PIP5K1A: variants seen among roughly 807,000 people sequenced by gnomAD.
The protein encoded by PIP5K1A is phosphatidylinositol 4-phosphate 5-kinase type-1 alpha.
PIP5K1A carries 46 observed loss-of-function variants against 72.9 expected under a neutral mutation model. That is an observed-to-expected ratio of 0.63 (90% CI 0.50 to 0.81). PIP5K1A has a LOEUF of 0.81. Among genes scored for constraint, PIP5K1A ranks in the 30% least tolerant of loss-of-function variants. The pLI is 0.00. For missense variants in PIP5K1A, 458 were observed against 706.1 expected, an observed-to-expected ratio of 0.65 and a Z score of 3.98; for synonymous variants, 228 against 255.1, an observed-to-expected ratio of 0.89 and a Z score of 1.01.
intron 1 of PIP5K1A, among the ~76,000 whole-genome samples, chr1:151,214,742 A>G (rs1687329985): frequency 6.6e-6 from 1 of 151,628 alleles, no homozygotes; most frequent in South Asian, 2.1e-4. Context: ...AACAAAATCT[A>G]CCTTGTGACT....
chr1:151,196,087 C>CG (rs1041398233), upstream of PIP5K1A, among the ~76,000 whole-genome samples: 3 of 151,368 alleles, frequency 2.0e-5, no homozygotes, highest in African/African-American at 7.3e-5. Context: ...TTAGTAAAGA[C>CG]GGGGTTTCAC....
intron 8 of PIP5K1A, 149 bp from the exon 9 acceptor site, chr1:151,236,409 G>A: frequency 3.4e-6 from 2 of 583,662 alleles, no homozygotes; most frequent in Admixed American, 3.0e-5. Flanking sequence ...CTGGGAGGTT[G>A]CAGCTACAGT....
intron 1 of PIP5K1A, 176 bp downstream of exon 1, chr1:151,199,257 TTTGA>T (rs1469875178): frequency 2.5e-5 from 32 of 1,286,026 alleles, no homozygotes; most frequent in Non-Finnish European, 3.1e-6. Context: ...AAAGGATAAG[TTTGA>T]TTAAGAAGTT....
chr1:151,246,821 G>C, intron 14 of PIP5K1A, 99 bp from the exon 15 acceptor site: 1 of 828,074 alleles, frequency 1.2e-6, no homozygotes, highest in Non-Finnish European at 2.0e-6. Context: ...TGATTCCAAA[G>C]TGAAAATTAG....
upstream of PIP5K1A, among the ~76,000 whole-genome samples, chr1:151,197,272 T>TG (rs986879679): frequency 2.0e-5 from 3 of 151,738 alleles, no homozygotes; most frequent in East Asian, 1.9e-4. Flanking sequence ...AACCTGTTTT[T>TG]TTTGTTTGTT....
rs1290363789 is a variant in PIP5K1A, at chr1:151,227,308, C to T, written c.157-12C>T. 1 of 1,577,824 alleles carries T rather than the reference C, an allele frequency of 6.3e-7. No homozygotes were observed. Among genetic ancestry groups the T allele is most frequent in the Non-Finnish European group, 8.7e-7 (1 of 1,147,452 alleles). ...CATGGGAATTGTATTATAATCTTGA[C>T]TCTTCTTCTAGGTGCCTTATGCCTC... On this transcript the variant is annotated splice_polypyrimidine_tract_variant and intron_variant, in intron 3 of 15. Coordinates refer to ENST00000368888, the MANE Select transcript of PIP5K1A (RefSeq NM_001135638.2).
chr1:151,201,901 G>T (rs1685267449), intron 1 of PIP5K1A, among the ~76,000 whole-genome samples: 2 of 152,012 alleles, frequency 1.3e-5, no homozygotes, highest in Non-Finnish European at 2.9e-5. Context: ...TAAATTTCAA[G>T]CTCTTGATGG....
chr1:151,224,051 A>T (rs1191321498), intron 1 of PIP5K1A, 194 bp from the exon 2 acceptor site: 11 of 603,396 alleles, frequency 1.8e-5, no homozygotes, highest in African/African-American at 1.1e-4. Flanking sequence ...TGGAATATGC[A>T]CGAGGCCTAT....
At chr1:151,240,868 A>G (rs1691580597) in intron 12 of PIP5K1A, among the ~76,000 whole-genome samples, 1 of 152,176 alleles carries the variant, frequency 6.6e-6, no homozygotes, top group Non-Finnish European at 1.5e-5. Context: ...GTAGAGTGAA[A>G]GAGTTATCTT....
chr1:151,210,786 C>T lies in PIP5K1A; in HGVS notation c.85+11705C>T, dbSNP rs369495146. Among the ~76,000 whole-genome samples the T allele has an allele frequency of 2.6e-5, 4 of 151,924 alleles. No homozygotes were observed. In the East Asian group the frequency reaches 5.9e-4, roughly 22 times the overall value. ...TATTTTTAGTAGAGACGGGTTTTGC[C>T]ATGTTGACCAGGCTGGTTTTGATCT... On this transcript the variant is annotated intron_variant, in intron 1 of 15. Transcript: ENST00000368888.
At chr1:151,231,121 C>T (rs751559551) in intron 4 of PIP5K1A, among the ~76,000 whole-genome samples, 4 of 148,994 alleles carry the variant, frequency 2.7e-5, no homozygotes, top group Non-Finnish European at 4.4e-5. Flanking sequence ...GCATGAGAAT[C>T]GCTTGAACCG....
chr1:151,222,592 A>G (rs1419684539), intron 1 of PIP5K1A, among the ~76,000 whole-genome samples: 1 of 152,162 alleles, frequency 6.6e-6, no homozygotes, highest in Non-Finnish European at 1.5e-5. Context: ...TCTAGGTGGT[A>G]ACTACCAGAC....
At chr1:151,236,872 T>G in intron 9 of PIP5K1A, 109 bp downstream of exon 9, 1 of 753,244 alleles carries the variant, frequency 1.3e-6, no homozygotes, top group African/African-American at 1.8e-5. Flanking sequence ...CAGGCTGATG[T>G]GCTGATGTGC....
intron 1 of PIP5K1A, 187 bp downstream of exon 1, chr1:151,199,268 A>G: frequency 8.2e-7 from 1 of 1,226,208 alleles, no homozygotes; most frequent in Non-Finnish European, 1.1e-6. Flanking sequence ...TTGATTAAGA[A>G]GTTGTCGAAA....
chr1:151,224,475 T>A, intron 3 of PIP5K1A, 69 bp downstream of exon 3: 1 of 1,130,988 alleles, frequency 8.8e-7, no homozygotes, highest in Non-Finnish European at 1.3e-6. Flanking sequence ...ATCTCACATT[T>A]ATTGAGCATT....
Position 151,199,009 on chromosome 1 carries a change from T to G in PIP5K1A, c.13T>G (p.Ser5Ala). 6.2e-7 allele frequency: 1 copy of G among 1,614,074 alleles called. No homozygotes were observed. The highest frequency in any genetic ancestry group is 8.5e-7 in the Non-Finnish European group (1 of 1,179,980). MASA[S>A]SGPSSSVGFS... ...GGGGGCTGCTAAGATGGCGTCGGCC[T>G]CCTCCGGGCCGTCGTCTTCGGTCGG... is the stretch of plus-strand genomic sequence containing the variant. The change falls in exon 1 of 16, where the codon TCC (serine) becomes GCC (alanine). Residue 5 changes from serine (S) to alanine (A), a missense_variant. Transcript: ENST00000368888.
At chr1:151,197,009 C>A (rs189056537), upstream of PIP5K1A, among the ~76,000 whole-genome samples, 1 of 151,706 alleles carries the variant, frequency 6.6e-6, no homozygotes, top group Admixed American at 6.6e-5. Flanking sequence ...TACAGGCACC[C>A]GCCACCACGC....
intron 1 of PIP5K1A, among the ~76,000 whole-genome samples, chr1:151,223,370 G>T (rs1439289122): frequency 6.6e-6 from 1 of 151,476 alleles, no homozygotes; most frequent in African/African-American, 2.4e-5. Context: ...AAAAGGCCGG[G>T]TGTGGTGGCT....
Position 151,246,936 on chromosome 1 carries a change from C to T in PIP5K1A, c.1657C>T (p.Leu553Phe), listed in dbSNP as rs1240847577. Residue 553 changes from leucine to phenylalanine, a missense_variant, in exon 15 of 16, where the codon CTT becomes TTT. By Grantham distance (22) the Leu-to-Phe change is conservative. This residue lies in a region of PIP5K1A where 157 missense variants were observed against 175.5 expected (regional missense o/e 0.89). Coordinates refer to ENST00000368888, the MANE Select transcript of PIP5K1A (RefSeq NM_001135638.2). ...TCCTGTTAGTACAACCTTGGAAAAG[C>T]TTGAAGTTGCAGAGTCAGAGTTCAC... Reference protein sequence around the residue: ...MLTTSTTLEKLEVAESEFTH With the variant: ...MLTTSTTLEKFEVAESEFTH 6.2e-7 allele frequency: 1 copy of T among 1,613,068 alleles called. No homozygotes were observed. Among genetic ancestry groups the T allele is most frequent in the Non-Finnish European group, 8.5e-7 (1 of 1,179,436 alleles).
Sources: allele counts gnomAD v4.1 joint callset (sites outside exome capture counted in the v4.1 genomes callset), GRCh38; gene constraint gnomAD v4.1.1; regional missense constraint gnomAD v4.1.1; transcripts MANE v1.5; gene names NCBI Gene and HGNC (gene_info 2026-07-23, HGNC 2026-07-21).